The following PCDHA1 variants were observed in gnomAD, a reference collection of about 807,000 sequenced individuals.
The protein encoded by PCDHA1 is protocadherin alpha 1, also known as protocadherin alpha-1.
PCDHA1 carries 42 observed loss-of-function variants against 61.3 expected under a neutral mutation model. The observed-to-expected ratio is 0.69, with a 90% CI of 0.54 to 0.89. The LOEUF (loss-of-function observed/expected upper bound fraction) is 0.89. Ranked by LOEUF, PCDHA1 falls within the 40% of genes least tolerant of loss-of-function variation. The probability of loss-of-function intolerance (pLI) is 0.00; values close to 1 mark genes in which losing one functional copy is unlikely to be tolerated. For missense variants in PCDHA1, 1,256 were observed against 1,235.3 expected (o/e 1.02, Z -0.25); for synonymous variants, 610 against 553.8 (o/e 1.10, Z -1.43).
At chr5:140,869,908 C>G in intron 1 of PCDHA1, 4 of 1,610,646 alleles carry the variant, frequency 2.5e-6, no homozygotes, top group Non-Finnish European at 3.4e-6. Flanking sequence ...CGCCACAGAC[C>G]GAGACGAAGG....
intron 1 of PCDHA1, chr5:140,884,758 C>A (rs1582804628): frequency 2.1e-6 from 3 of 1,424,736 alleles, no homozygotes; most frequent in East Asian, 2.5e-5. Context: ...TCAAATTATT[C>A]TTTACTTTAA....
intron 1 of PCDHA1, 149 bp from the exon 2 acceptor site, chr5:140,978,800 T>C: frequency 6.8e-7 from 1 of 1,480,668 alleles, no homozygotes; most frequent in South Asian, 1.4e-5. Flanking sequence ...TATATGTAGA[T>C]ATCATCATAG....
At chr5:140,843,154 G>T in intron 1 of PCDHA1, 3 of 1,596,128 alleles carry the variant, frequency 1.9e-6, no homozygotes, top group Non-Finnish European at 2.6e-6. Context: ...CGTATGAGCT[G>T]CAGCCAGCTG....
chr5:140,960,612 G>C (rs1467595478), intron 1 of PCDHA1, among the ~76,000 whole-genome samples: 1 of 152,110 alleles, frequency 6.6e-6, no homozygotes, highest in Non-Finnish European at 1.5e-5. Context: ...ACAATATCTA[G>C]TGTGTTTTTG....
chr5:140,869,896 A>T (rs781921753), intron 1 of PCDHA1: 7 of 1,610,768 alleles, frequency 4.3e-6, no homozygotes, highest in Non-Finnish European at 4.2e-6. Context: ...GCTCAAACTA[A>T]ACGCCACAGA....
At chr5:140,869,108 T>C in intron 1 of PCDHA1, 2 of 1,602,680 alleles carry the variant, frequency 1.2e-6, no homozygotes, top group African/African-American at 1.3e-5. Flanking sequence ...TATGCGATGT[T>C]TGGTTTTCAG....
At chr5:140,805,068 C>A in intron 1 of PCDHA1, 1 of 1,593,038 alleles carries the variant, frequency 6.3e-7, no homozygotes. Flanking sequence ...AGATATGGAA[C>A]TTCAATCTTC....
chr5:140,871,361 G>C (rs1554165481), intron 1 of PCDHA1: 4 of 1,614,220 alleles, frequency 2.5e-6, no homozygotes, highest in South Asian at 2.2e-5. Flanking sequence ...TCGCAGCAGA[G>C]GCGGCAGAGG....
rs113297104 is a variant in PCDHA1 at position 140,984,945 on chromosome 5, CT to C, written c.2542+2392del. On this transcript the variant is annotated intron_variant, in intron 3 of 3. Transcript: ENST00000504120. The stretch of plus-strand genomic sequence containing the variant: ...GACATATAGTTAATAAATGTCTAAT[CT>C]TTTTTTTTTGAGACAGAGTCTCGCT... Among the ~76,000 whole-genome samples the C allele has an allele frequency of 9.4e-3, 1,407 of 149,276 alleles. 15 individuals are homozygous for C. Among genetic ancestry groups the C allele is most frequent in the East Asian group, 0.044 (226 of 5,092 alleles).
chr5:140,829,713 G>T, intron 1 of PCDHA1: 1 of 1,613,488 alleles, frequency 6.2e-7, no homozygotes, highest in Non-Finnish European at 8.5e-7. Context: ...CGCGACGCGG[G>T]CGTGCCGCCT....
At chr5:140,973,665 T>G (rs1309458037) in intron 1 of PCDHA1, among the ~76,000 whole-genome samples, 1 of 152,248 alleles carries the variant, frequency 6.6e-6, no homozygotes, top group African/African-American at 2.4e-5. Context: ...CTATTTATTG[T>G]AGCTTGAATG....
chr5:141,003,654 A>G (rs1451170896), intron 3 of PCDHA1, among the ~76,000 whole-genome samples: 1 of 152,212 alleles, frequency 6.6e-6, no homozygotes, highest in Non-Finnish European at 1.5e-5. Flanking sequence ...ATCTGTATGC[A>G]TTTATTAAAA....
At chr5:140,979,178 G>C (rs782006168) in intron 2 of PCDHA1, 171 bp downstream of exon 2, 32 of 944,022 alleles carry the variant, frequency 3.4e-5, no homozygotes, top group Non-Finnish European at 4.0e-5. Flanking sequence ...GATCGCAAAT[G>C]GTCAGTGCCA....
intron 1 of PCDHA1, chr5:140,877,626 C>T: frequency 6.2e-7 from 1 of 1,613,828 alleles, no homozygotes; most frequent in African/African-American, 1.3e-5. Context: ...TGCTGCTGTA[C>T]ACTGCGCTGC....
At chr5:140,969,450 G>A (rs1554231822) in intron 1 of PCDHA1, 4 of 1,511,552 alleles carry the variant, frequency 2.6e-6, no homozygotes, top group Non-Finnish European at 3.6e-6. Flanking sequence ...GGTAAACTGA[G>A]TATATATAGT....
intron 1 of PCDHA1, among the ~76,000 whole-genome samples, chr5:140,972,657 CA>C (rs1342092810): frequency 2.8e-5 from 4 of 143,798 alleles, no homozygotes; most frequent in South Asian, 4.5e-4. Context: ...AAAAAGAAAC[CA>C]AATTTTTTTT....
At chr5:140,871,062 C>CT in intron 1 of PCDHA1, 1 of 1,613,220 alleles carries the variant, frequency 6.2e-7, no homozygotes, top group South Asian at 1.1e-5. Context: ...TGAAGGATCA[C>CT]GGTGAGCCGG....
rs782373131 is a variant in PCDHA1, at chr5:140,808,095, T to A, written c.2394+19411T>A. ...ATAGATCCAATTACTGGACAAATTA[T>A]TGTAAAGGGATATATTGACTTTGAA... is the stretch of plus-strand genomic sequence containing the variant. On this transcript the variant is annotated intron_variant, in intron 1 of 3. Transcript: ENST00000504120. 2.3e-5 allele frequency: 37 copies of A among 1,613,988 alleles called. No individual in the cohort carries two copies. In the East Asian group the frequency reaches 8.2e-4, roughly 36 times the overall value.
chr5:140,912,900 T>A (rs979059809), intron 1 of PCDHA1, among the ~76,000 whole-genome samples: 1 of 152,264 alleles, frequency 6.6e-6, no homozygotes, highest in Non-Finnish European at 1.5e-5. Context: ...ATATGATGTA[T>A]CATATTGATT....
Sources: gnomAD v4.1 joint callset for allele counts (sites outside exome capture counted in the v4.1 genomes callset) on GRCh38, gnomAD v4.1.1 for gene constraint, MANE v1.5 for transcripts, NCBI Gene and HGNC (gene_info 2026-07-23, HGNC 2026-07-21) for gene names.